ERC2: variants seen among roughly 807,000 people sequenced by gnomAD.
The protein encoded by ERC2 is ELKS/RAB6-interacting/CAST family member 2, also known as ERC protein 2.
ERC2 carries 42 observed loss-of-function variants against 114.8 expected under a neutral mutation model. That is an observed-to-expected ratio of 0.37 (90% CI 0.29 to 0.47). ERC2 has a LOEUF of 0.47. Among genes scored for constraint, ERC2 ranks in the 20% least tolerant of loss-of-function variants. The pLI, the probability that ERC2 is intolerant of heterozygous loss-of-function variation, is 0.99. For synonymous variants in ERC2, 454 were observed against 425.5 expected (o/e 1.07, Z -0.82); for missense variants, 939 against 1,150.7 (o/e 0.82, Z 2.66).
At chr3:55,768,935 T>C (rs537355599) in intron 14 of ERC2, among the ~76,000 whole-genome samples, 16 of 152,298 alleles carry the variant, frequency 1.1e-4, no homozygotes, top group African/African-American at 3.6e-4. Context: ...GTGGCCACTG[T>C]GTGGATAGAT....
intron 2 of ERC2, among the ~76,000 whole-genome samples, chr3:56,394,686 T>C (rs1429054106): frequency 6.6e-6 from 1 of 152,148 alleles, no homozygotes; most frequent in African/African-American, 2.4e-5. Context: ...TACCCCCTAG[T>C]ACGGCTATAA....
intron 14 of ERC2, among the ~76,000 whole-genome samples, chr3:55,764,328 T>C (rs897369464): frequency 2.6e-5 from 4 of 152,250 alleles, no homozygotes; most frequent in African/African-American, 7.2e-5. Flanking sequence ...CAGGTGAGCA[T>C]AGGCCATTCT....
chr3:56,154,920 T>G (rs2081612373), intron 4 of ERC2, among the ~76,000 whole-genome samples: 1 of 152,208 alleles, frequency 6.6e-6, no homozygotes, highest in Non-Finnish European at 1.5e-5. Context: ...CTTACACAAT[T>G]AGAAGACAGC....
At chr3:56,401,061 AAC>A (rs906963943) in intron 2 of ERC2, among the ~76,000 whole-genome samples, 37 of 152,312 alleles carry the variant, frequency 2.4e-4, no homozygotes, top group African/African-American at 8.9e-4. Context: ...GTACAATCTA[AAC>A]AATGCCTAGG....
At chr3:56,165,090 G>C (rs2082253988) in intron 4 of ERC2, among the ~76,000 whole-genome samples, 1 of 151,912 alleles carries the variant, frequency 6.6e-6, no homozygotes. Context: ...TCACAAAACA[G>C]AACATAATAG....
At chr3:56,291,854 C>T (rs2055109113) in intron 3 of ERC2, among the ~76,000 whole-genome samples, 1 of 150,202 alleles carries the variant, frequency 6.7e-6, no homozygotes, top group African/African-American at 2.4e-5. Context: ...TGACAAAGTA[C>T]ATTCTAAAAC....
intron 12 of ERC2, among the ~76,000 whole-genome samples, chr3:55,977,482 G>A (rs2069684970): frequency 1.3e-5 from 2 of 152,150 alleles, no homozygotes; most frequent in Admixed American, 6.5e-5. Flanking sequence ...ATTTAAACAT[G>A]TCTATTGTCA....
At chr3:56,003,011 AC>A in intron 10 of ERC2, 1 of 1,013,970 alleles carries the variant, frequency 9.9e-7, no homozygotes, top group Non-Finnish European at 1.4e-6. Context: ...TATTTTCAAA[AC>A]CTCCCCAGTA....
At chr3:55,659,051 A>G (rs894531432) in intron 17 of ERC2, 1 of 152,566 alleles carries the variant, frequency 6.6e-6, no homozygotes, top group African/African-American at 2.4e-5. Context: ...AAAGCAAGCA[A>G]GCATTTGAAA....
At chr3:55,944,185 C>T (rs1478450072) in intron 13 of ERC2, among the ~76,000 whole-genome samples, 3 of 152,234 alleles carry the variant, frequency 2.0e-5, no homozygotes, top group African/African-American at 7.2e-5. Flanking sequence ...ACAATGATTA[C>T]ATTTGAGAAA....
At position 56,005,517 on chromosome 3, in the gene ERC2, C is replaced by T. The variant is rs139189681; in HGVS notation, c.2061+1664G>A. ...ATAAGCAACAATATGTGAATCTCTT[C>T]CTTTTAATTACTAGTGGATTTCAAA... is the stretch of plus-strand genomic sequence containing the variant. On this transcript the variant is annotated intron_variant, in intron 10 of 17. Coordinates refer to ENST00000288221, the MANE Select transcript of ERC2 (RefSeq NM_015576.3). 5.0e-3 allele frequency among the ~76,000 whole-genome samples: 759 copies of T among 152,116 alleles called. 8 individuals are homozygous for T. The highest frequency in any genetic ancestry group is 0.017 in the African/African-American group (723 of 41,520).
At chr3:55,911,308 T>C (rs1437014666) in intron 13 of ERC2, among the ~76,000 whole-genome samples, 2 of 152,194 alleles carry the variant, frequency 1.3e-5, no homozygotes, top group African/African-American at 2.4e-5. Context: ...TATTGAGAGA[T>C]TTCTTGTGCT....
intron 2 of ERC2, among the ~76,000 whole-genome samples, chr3:56,348,100 C>T (rs1364235345): frequency 6.6e-6 from 1 of 152,196 alleles, no homozygotes; most frequent in Non-Finnish European, 1.5e-5. Context: ...AGGCCAGACA[C>T]CTAAAAAGCT....
intron 3 of ERC2, among the ~76,000 whole-genome samples, chr3:56,261,556 C>G (rs1012031619): frequency 5.9e-5 from 9 of 152,214 alleles, no homozygotes; most frequent in African/African-American, 2.2e-4. Flanking sequence ...ATCCTGTGTT[C>G]TCACTCGAGC....
intron 14 of ERC2, among the ~76,000 whole-genome samples, chr3:55,815,749 G>A (rs965201049): frequency 2.2e-4 from 33 of 152,176 alleles, no homozygotes; most frequent in African/African-American, 5.3e-4. Flanking sequence ...CAGATGTAGC[G>A]GACTCTAACC....
rs568948436 is a variant in ERC2 at position 56,458,239 on chromosome 3, T to A, written c.-141+10009A>T. ...TTGCATGAAGAAACTGTTGTAAAAA[T>A]ATATATATAATAGATCTAGAAGAGT... On this transcript the variant is annotated intron_variant, in intron 1 of 17. Coordinates refer to ENST00000288221, the MANE Select transcript of ERC2 (RefSeq NM_015576.3). Among the ~76,000 whole-genome samples, 348 of 152,188 alleles carry A rather than the reference T, an allele frequency of 2.3e-3. 1 individual carries two copies. Among genetic ancestry groups the A allele is most frequent in the Non-Finnish European group, 4.2e-3 (289 of 68,002 alleles).
intron 17 of ERC2, among the ~76,000 whole-genome samples, chr3:55,683,170 C>T (rs2062143278): frequency 1.3e-5 from 2 of 152,210 alleles, no homozygotes; most frequent in South Asian, 4.1e-4. Context: ...CTAATAAGAC[C>T]TGCTAATATG....
chr3:55,516,272 A>T (rs1575440809), intron 17 of ERC2, among the ~76,000 whole-genome samples: 1 of 152,162 alleles, frequency 6.6e-6, no homozygotes, highest in East Asian at 1.9e-4. Context: ...AAAAAACCAA[A>T]ACTATAACTA....
At chr3:55,594,599 A>C (rs945145295) in intron 17 of ERC2, among the ~76,000 whole-genome samples, 2 of 152,096 alleles carry the variant, frequency 1.3e-5, no homozygotes, top group Non-Finnish European at 2.9e-5. Flanking sequence ...CTCCTGTCTC[A>C]GCCTCCCAAG....
Sources: gnomAD v4.1 joint callset for allele counts (sites outside exome capture counted in the v4.1 genomes callset) on GRCh38, gnomAD v4.1.1 for gene constraint, MANE v1.5 for transcripts, NCBI Gene and HGNC (gene_info 2026-07-23, HGNC 2026-07-21) for gene names.